The following OSBP2 variants were observed in gnomAD, a reference collection of about 807,000 sequenced individuals.
The protein encoded by OSBP2 is oxysterol-binding protein 2.
OSBP2 carries 66 observed loss-of-function variants against 96.0 expected under a neutral mutation model. That is an observed-to-expected ratio of 0.69 (90% CI 0.56 to 0.84). OSBP2 has a LOEUF of 0.84. Ranked by LOEUF, OSBP2 falls within the 40% of genes least tolerant of loss-of-function variation. The probability of loss-of-function intolerance (pLI) is 0.00; values close to 1 mark genes in which losing one functional copy is unlikely to be tolerated. For missense variants in OSBP2, 1,038 were observed against 1,222.7 expected (o/e 0.85, Z 2.25); for synonymous variants, 525 against 520.9 (o/e 1.01, Z -0.11).
At chr22:30,788,052 A>ATT (rs1456126108) in intron 2 of OSBP2, among the ~76,000 whole-genome samples, 3 of 152,200 alleles carry the variant, frequency 2.0e-5, no homozygotes, top group African/African-American at 7.2e-5. Flanking sequence ...CAATCATGTC[A>ATT]TTTACCAGCC....
chr22:30,834,809 T>C (rs2038598351), intron 2 of OSBP2, among the ~76,000 whole-genome samples: 1 of 152,028 alleles, frequency 6.6e-6, no homozygotes, highest in Admixed American at 6.6e-5. Flanking sequence ...TTCTTTTCTT[T>C]TCTTTTCTTT....
At chr22:30,905,326 T>G (rs2040306462) in intron 12 of OSBP2, among the ~76,000 whole-genome samples, 1 of 151,390 alleles carries the variant, frequency 6.6e-6, no homozygotes, top group South Asian at 2.1e-4. Context: ...TAATTTTTAG[T>G]AGAAACGGGC....
At chr22:30,822,460 T>G (rs1281694437) in intron 2 of OSBP2, 2 of 1,247,972 alleles carry the variant, frequency 1.6e-6, no homozygotes, top group African/African-American at 1.6e-5. Flanking sequence ...AACGCGCTCA[T>G]GTACCGGGTG....
chr22:30,698,445 T>G (rs5753279), intron 1 of OSBP2, among the ~76,000 whole-genome samples: 1 of 143,712 alleles, frequency 7.0e-6, no homozygotes, highest in African/African-American at 2.5e-5. Flanking sequence ...TTCTTTTTCT[T>G]TTTTTTTTTT....
At chr22:30,891,733 G>C (rs1209517073) in intron 8 of OSBP2, among the ~76,000 whole-genome samples, 3 of 152,052 alleles carry the variant, frequency 2.0e-5, no homozygotes, top group African/African-American at 7.2e-5. Flanking sequence ...CGGGGGTGGG[G>C]GGCAGTCAGG....
At position 30,875,535 on chromosome 22, in the gene OSBP2, G is replaced by A. The variant is rs559307321; in HGVS notation, c.1107+4853G>A. Among the ~76,000 whole-genome samples, 14 of 152,216 alleles carry A rather than the reference G, an allele frequency of 9.2e-5. No homozygotes were observed. The South Asian group carries it at 2.7e-3, about 29-fold the overall frequency. On this transcript the variant is annotated intron_variant, in intron 3 of 13. Coordinates refer to ENST00000332585, the MANE Select transcript of OSBP2 (RefSeq NM_030758.4). ...TTATAGGTATGCACCACCACACTCG[G>A]CTAATTTTGTATTTTCAATAGAGAA...
intron 2 of OSBP2, among the ~76,000 whole-genome samples, chr22:30,794,426 G>A (rs960185697): frequency 6.6e-6 from 1 of 151,654 alleles, no homozygotes; most frequent in African/African-American, 2.4e-5. Flanking sequence ...CATCATGTCC[G>A]ACTAATTTTT....
Position 30,870,269 on chromosome 22 carries a change from C to T in OSBP2, c.854-160C>T, listed in dbSNP as rs530729637. On this transcript the variant is annotated intron_variant, in intron 2 of 13. Transcript: ENST00000332585. The surrounding 1 kb of genome is among the most constrained non-coding windows in gnomAD (Gnocchi z 4.1). ...CTGGGAAGGCTGGGCCAGGATGGGG[C>T]AGGCACCTCACCCCGGCCAGGAACA... Among the ~76,000 whole-genome samples the T allele has an allele frequency of 2.0e-4, 30 of 152,276 alleles. No homozygotes were observed. The highest frequency in any genetic ancestry group is 6.5e-4 in the African/African-American group (27 of 41,572).
rs1257969538 is a variant in OSBP2 at position 30,890,966 on chromosome 22, G to C, written c.1862G>C (p.Cys621Ser). The C allele has an allele frequency of 6.2e-7, 1 of 1,606,752 alleles. No homozygotes were observed. Among genetic ancestry groups the C allele is most frequent in the South Asian group, 1.1e-5 (1 of 91,066 alleles). Residue 621 changes from cysteine (C) to serine (S), a missense_variant, in exon 8 of 14, where the codon TGT becomes TCT. Coordinates refer to ENST00000332585, the MANE Select transcript of OSBP2 (RefSeq NM_030758.4). This position sits in a 1 kb window ranked among gnomAD's most constrained non-coding sequence, Gnocchi z 4.4. ...GACGACATGGGCCTGCGCTCCCTCTGTGAGCAGGTGAGGGGGCTAGGCTGG... is the reference window on the plus strand; with the variant it reads ...GACGACATGGGCCTGCGCTCCCTCTCTGAGCAGGTGAGGGGGCTAGGCTGG... ...RLDDMGLRSL[C>S]EQVSHHPPSA...
chr22:30,811,844 C>T (rs1011749463), intron 2 of OSBP2, among the ~76,000 whole-genome samples: 5 of 151,394 alleles, frequency 3.3e-5, no homozygotes, highest in Admixed American at 1.3e-4. Context: ...CATAAGCCAC[C>T]GCGCCCGGCC....
At chr22:30,788,689 G>C (rs2090630953) in intron 2 of OSBP2, among the ~76,000 whole-genome samples, 1 of 152,224 alleles carries the variant, frequency 6.6e-6, no homozygotes, top group South Asian at 2.1e-4. Context: ...TTAAGTCAGG[G>C]CATCTTGGAG....
chr22:30,704,374 G>A (rs1030188632), intron 1 of OSBP2, among the ~76,000 whole-genome samples: 3 of 152,124 alleles, frequency 2.0e-5, no homozygotes, highest in South Asian at 2.1e-4. Context: ...CTCCACCACC[G>A]AGTTGTGACA....
intron 3 of OSBP2, 83 bp from the exon 4 acceptor site, chr22:30,887,343 G>A: frequency 8.6e-7 from 1 of 1,161,386 alleles, no homozygotes; most frequent in South Asian, 1.4e-5. Context: ...TGTTTAAGGT[G>A]GAGTTGCTCT....
intron 3 of OSBP2, among the ~76,000 whole-genome samples, chr22:30,876,216 G>A (rs776484917): frequency 9.8e-5 from 15 of 152,360 alleles, no homozygotes; most frequent in Admixed American, 4.6e-4. Flanking sequence ...GTCATCGTGC[G>A]CAGGTCTTTC....
chr22:30,794,963 T>G (rs1194870495), intron 2 of OSBP2, among the ~76,000 whole-genome samples: 1 of 150,680 alleles, frequency 6.6e-6, no homozygotes. Context: ...CAGGCTGGAG[T>G]GCAGTGGCGC....
chr22:30,698,143 C>T (rs571962470), intron 1 of OSBP2, among the ~76,000 whole-genome samples: 1 of 152,104 alleles, frequency 6.6e-6, no homozygotes, highest in Non-Finnish European at 1.5e-5. Context: ...GGTGGGTTTT[C>T]GGATGCGCCA....
chr22:30,787,524 T>C (rs1289701677), intron 2 of OSBP2, among the ~76,000 whole-genome samples: 1 of 151,820 alleles, frequency 6.6e-6, no homozygotes, highest in African/African-American at 2.4e-5. Flanking sequence ...AATACAAAAA[T>C]TAGGCGGGCA....
chr22:30,889,434 C>T, intron 6 of OSBP2, 56 bp from the exon 7 acceptor site: 1 of 1,603,908 alleles, frequency 6.2e-7, no homozygotes, highest in Non-Finnish European at 8.5e-7. Context: ...AACTTGGAAG[C>T]CAAGGGGGCG....
At chr22:30,817,603 G>A (rs920427484) in intron 2 of OSBP2, among the ~76,000 whole-genome samples, 2 of 152,238 alleles carry the variant, frequency 1.3e-5, no homozygotes, top group South Asian at 4.1e-4. Flanking sequence ...GGCTTGGGAA[G>A]ACAGGTGGGT....
Sources: allele counts gnomAD v4.1 joint callset (sites outside exome capture counted in the v4.1 genomes callset), GRCh38; gene constraint gnomAD v4.1.1; non-coding constraint Gnocchi (gnomAD v3.1); transcripts MANE v1.5; gene names NCBI Gene and HGNC (gene_info 2026-07-23, HGNC 2026-07-21).